The following CHST9 variants were observed in gnomAD, a reference collection of about 807,000 sequenced individuals.
CHST9 encodes GalNAc-4-sulfotransferase 2.
CHST9 carries 41 observed loss-of-function variants against 44.4 expected under a neutral mutation model. The observed-to-expected ratio is 0.92, with a 90% confidence interval of 0.72 to 1.20. The LOEUF (loss-of-function observed/expected upper bound fraction) is 1.20, where lower values mean the gene tolerates loss of function less well. Among genes scored for constraint, CHST9 ranks in the 50% most tolerant of loss-of-function variants. The pLI, the probability that CHST9 is intolerant of heterozygous loss-of-function variation, is 0.00. For missense variants in CHST9, 504 were observed against 516.5 expected, an observed-to-expected ratio of 0.98 and a Z score of 0.23; for synonymous variants, 171 against 178.4, an observed-to-expected ratio of 0.96 and a Z score of 0.33.
At chr18:27,049,757 G>A (rs971736425) in intron 2 of CHST9, among the ~76,000 whole-genome samples, 3 of 152,124 alleles carry the variant, frequency 2.0e-5, no homozygotes, top group Non-Finnish European at 2.9e-5. Context: ...CAGTCATAAA[G>A]CAAGTCTCAA....
At chr18:26,961,631 T>C (rs2056401817) in intron 4 of CHST9, among the ~76,000 whole-genome samples, 1 of 152,140 alleles carries the variant, frequency 6.6e-6, no homozygotes, top group African/African-American at 2.4e-5. Context: ...TCTTGCTTTA[T>C]TGTTCAGGCT....
intron 3 of CHST9, among the ~76,000 whole-genome samples, chr18:27,036,299 C>A (rs2057389937): frequency 6.6e-6 from 1 of 152,126 alleles, no homozygotes; most frequent in East Asian, 1.9e-4. Context: ...ATCTCCAGTT[C>A]AGGAAAGAAA....
rs1219709328 is a variant in CHST9 at position 26,908,656 on chromosome 18, G to A, written c.*7603C>T. ...GGAGAGCCAATGTGGTTAGAATTGG[G>A]TAGGTAGCAGCAGAACTGTTAGTGG... On this transcript the variant is annotated 3_prime_UTR_variant, in exon 6 of 6. Transcript: ENST00000618847. The A allele has an allele frequency of 1.3e-5, 2 of 152,128 alleles. No individual in the cohort carries two copies. Among genetic ancestry groups the A allele is most frequent in the African/African-American group, 4.8e-5 (2 of 41,434 alleles). 9.4% of individuals were successfully genotyped at this position (152,128 alleles called of 1,614,324 possible).
At chr18:26,955,477 TA>T (rs1262360344) in intron 4 of CHST9, among the ~76,000 whole-genome samples, 2 of 152,146 alleles carry the variant, frequency 1.3e-5, no homozygotes, top group African/African-American at 4.8e-5. Context: ...ACAGCTGTGG[TA>T]AATATATGCA....
At chr18:26,959,564 A>G (rs1046126966) in intron 4 of CHST9, among the ~76,000 whole-genome samples, 2 of 152,228 alleles carry the variant, frequency 1.3e-5, no homozygotes, top group African/African-American at 4.8e-5. Context: ...TTTGATCTGG[A>G]TAGGACATTA....
intron 4 of CHST9, among the ~76,000 whole-genome samples, chr18:26,975,764 T>TATATAA (rs1555673347): frequency 7.3e-6 from 1 of 136,228 alleles, no homozygotes; most frequent in African/African-American, 2.7e-5. Flanking sequence ...TATATATATA[T>TATATAA]AACATTTTCT....
intron 2 of CHST9, among the ~76,000 whole-genome samples, chr18:27,067,725 A>G (rs1568158853): frequency 6.6e-6 from 1 of 152,090 alleles, no homozygotes; most frequent in Non-Finnish European, 1.5e-5. Flanking sequence ...AACCTAATAT[A>G]TTGAGATTGA....
intron 4 of CHST9, among the ~76,000 whole-genome samples, chr18:26,956,399 CTA>C (rs66622848): frequency 1.3e-4 from 18 of 143,668 alleles, no homozygotes; most frequent in African/African-American, 2.8e-4. Flanking sequence ...ATAATTATAT[CTA>C]TATATATATA....
At chr18:27,087,681 A>G (rs1405124748) in intron 2 of CHST9, among the ~76,000 whole-genome samples, 2 of 152,214 alleles carry the variant, frequency 1.3e-5, no homozygotes, top group Non-Finnish European at 2.9e-5. Context: ...ACTATCCCAC[A>G]ATGAATTGGG....
intron 4 of CHST9, among the ~76,000 whole-genome samples, chr18:26,978,090 T>G (rs1598610943): frequency 1.0e-5 from 1 of 97,892 alleles, no homozygotes; most frequent in Admixed American, 1.0e-4. Context: ...TTTCCTGTGG[T>G]TTTTTTTTTT....
chr18:27,030,932 CAAA>C (rs138176147), intron 3 of CHST9, among the ~76,000 whole-genome samples: 18,858 of 152,084 alleles, frequency 0.12, 1,256 homozygotes, highest in East Asian at 0.23. Flanking sequence ...CAAAAACAAA[CAAA>C]CAAGCTCTTC....
intron 2 of CHST9, among the ~76,000 whole-genome samples, chr18:27,076,682 A>T (rs1270040037): frequency 4.6e-5 from 7 of 152,208 alleles, no homozygotes. Context: ...TTTCCTCTGC[A>T]TAACCTTGAG....
intron 4 of CHST9, among the ~76,000 whole-genome samples, chr18:26,963,834 T>C (rs1263487835): frequency 6.6e-6 from 1 of 152,116 alleles, no homozygotes; most frequent in East Asian, 1.9e-4. Context: ...CTCTTGAGGT[T>C]TTCATGAGGA....
intron 2 of CHST9, among the ~76,000 whole-genome samples, chr18:27,048,728 T>G (rs1387468624): frequency 6.6e-6 from 1 of 152,178 alleles, no homozygotes; most frequent in Non-Finnish European, 1.5e-5. Context: ...TGCTGTTGGA[T>G]TTTTAAAATC....
rs569841944 is a variant in CHST9 at position 27,038,798 on chromosome 18, T to C, written c.160+9667A>G. Among the ~76,000 whole-genome samples, 10 of 152,320 alleles carry C rather than the reference T, an allele frequency of 6.6e-5. No individual in the cohort carries two copies. In the South Asian group the frequency reaches 2.1e-3, roughly 32 times the overall value. On this transcript the variant is annotated intron_variant, in intron 3 of 5. Transcript: ENST00000618847. ...TGTAATCTACTATTTTCTATTATAA[T>C]ACACATGTTCAGCCTATCTATCATT...
chr18:27,069,905 A>C (rs1486570041), intron 2 of CHST9, among the ~76,000 whole-genome samples: 1 of 152,214 alleles, frequency 6.6e-6, no homozygotes, highest in Non-Finnish European at 1.5e-5. Context: ...AGCCAGAAAG[A>C]GGTTCAAAAT....
chr18:26,997,042 C>T (rs994311701), intron 4 of CHST9, among the ~76,000 whole-genome samples: 5 of 152,180 alleles, frequency 3.3e-5, no homozygotes, highest in Non-Finnish European at 5.9e-5. Flanking sequence ...GGAATTCTGA[C>T]CTCCTGAGTT....
At chr18:26,975,723 G>A (rs867650302) in intron 4 of CHST9, among the ~76,000 whole-genome samples, 12 of 59,348 alleles carry the variant, frequency 2.0e-4, no homozygotes, top group East Asian at 5.8e-4. Context: ...GTGTGTGTGT[G>A]TGTATATATA....
chr18:27,050,096 G>A (rs2057547885), intron 2 of CHST9, among the ~76,000 whole-genome samples: 1 of 152,262 alleles, frequency 6.6e-6, no homozygotes, highest in Middle Eastern at 3.4e-3. Flanking sequence ...AGTTTTAGCA[G>A]AGAGTGGGCA....
Sources: allele counts gnomAD v4.1 joint callset (sites outside exome capture counted in the v4.1 genomes callset), GRCh38; gene constraint gnomAD v4.1.1; transcripts MANE v1.5; gene names NCBI Gene and HGNC (gene_info 2026-07-23, HGNC 2026-07-21).